The following PTPRS variants were observed in gnomAD, a reference collection of about 807,000 sequenced individuals.
PTPRS encodes the protein receptor-type tyrosine-protein phosphatase S.
Under a neutral mutation model 215.3 loss-of-function variants are expected in PTPRS, and 63 were observed. The ratio of observed to expected loss-of-function variants is 0.29; its 90% CI spans 0.24 to 0.36. The LOEUF is 0.36. Ranked by LOEUF, PTPRS falls within the 10% of genes least tolerant of loss-of-function variation. The probability of loss-of-function intolerance (pLI) is 1.00; values close to 1 mark genes in which losing one functional copy is unlikely to be tolerated. For synonymous variants in PTPRS, 1,404 were observed against 1,191.4 expected (o/e 1.18, Z -3.68); for missense variants, 2,258 against 2,825.8 (o/e 0.80, Z 4.56).
intron 30 of PTPRS, 85 bp downstream of exon 30, chr19:5,214,276 G>C: frequency 3.2e-6 from 5 of 1,578,470 alleles, no homozygotes; most frequent in Non-Finnish European, 4.3e-6. Flanking sequence ...CCCATGGGGA[G>C]CTCCCTGGGT....
In PTPRS at chr19:5,293,961, G is replaced by A. The variant is rs1019149379; in HGVS notation, c.-94-7727C>T. Among the ~76,000 whole-genome samples, 14 of 152,214 alleles carry A rather than the reference G, an allele frequency of 9.2e-5. No individual in the cohort carries two copies. In the East Asian group the frequency reaches 2.3e-3, roughly 25 times the overall value. ...GGGAGAGGGAGGGGCAGACCTGTCCGGGCGGCCAATCCGAGCCAGCGTTGC... is the reference window on the plus strand; with the variant it reads ...GGGAGAGGGAGGGGCAGACCTGTCCAGGCGGCCAATCCGAGCCAGCGTTGC... On this transcript the variant is annotated intron_variant, in intron 1 of 37. Coordinates refer to ENST00000262963, the MANE Select transcript of PTPRS (RefSeq NM_002850.4). This position sits in a 1 kb window ranked among gnomAD's most constrained non-coding sequence, Gnocchi z 8.4.
Position 5,223,109 on chromosome 19 carries a change from C to G in PTPRS, c.2683G>C (p.Val895Leu). 6.4e-7 allele frequency: 1 copy of G among 1,566,522 alleles called. No homozygotes were observed. Among genetic ancestry groups the G allele is most frequent in the Non-Finnish European group, 8.6e-7 (1 of 1,156,362 alleles). ...AACACATACGTGGCCCCCTTGTGCACGCCTGATGCCGTGTAGCGGTCCTCG... is the reference window on the plus strand; with the variant it reads ...AACACATACGTGGCCCCCTTGTGCAGGCCTGATGCCGTGTAGCGGTCCTCG... ...PSEDRYTASGVHKGATYVFRL... is the reference protein window; with the variant it reads ...PSEDRYTASGLHKGATYVFRL... The change falls in exon 18 of 38, where the codon GTG becomes CTG. Residue 895 changes from valine (V) to leucine (L), a missense_variant. Val to Leu is a conservative substitution (Grantham distance 32). This residue lies in a region of PTPRS where 361 missense variants were observed against 332.6 expected (regional missense o/e 1.09). Coordinates refer to ENST00000262963, the MANE Select transcript of PTPRS (RefSeq NM_002850.4).
chr19:5,257,930 G>A lies in PTPRS; in HGVS notation c.706+87C>T, dbSNP rs1278825121. Reference sequence around the variant, plus strand: ...TTCCTGCTTGGGTGTGCAGGGGACGGGGGAGCCCGGAGGCGGTGAGCCCGA... The same window carrying A: ...TTCCTGCTTGGGTGTGCAGGGGACGAGGGAGCCCGGAGGCGGTGAGCCCGA... On this transcript the variant is annotated intron_variant, in intron 8 of 37. Coordinates refer to ENST00000262963, the MANE Select transcript of PTPRS (RefSeq NM_002850.4). This position sits in a 1 kb window ranked among gnomAD's most constrained non-coding sequence, Gnocchi z 4.4. 2 of 1,187,110 alleles carry A rather than the reference G, an allele frequency of 1.7e-6. No individual in the cohort carries two copies. The highest frequency in any genetic ancestry group is 3.0e-5 in the African/African-American group (2 of 66,672). 73.5% of individuals were successfully genotyped at this position (1,187,110 alleles called of 1,614,324 possible).
chr19:5,269,651 G>A (rs1434391694), intron 4 of PTPRS, among the ~76,000 whole-genome samples: 16 of 152,120 alleles, frequency 1.1e-4, no homozygotes. Flanking sequence ...GCTCGGCACG[G>A]TGGCTGACGC....
chr19:5,295,449 G>A lies in PTPRS; in HGVS notation c.-94-9215C>T, dbSNP rs1168235283. Among the ~76,000 whole-genome samples, 1 of 152,182 alleles carries A rather than the reference G, an allele frequency of 6.6e-6. No individual in the cohort carries two copies. The highest frequency in any genetic ancestry group is 6.5e-5 in the Admixed American group (1 of 15,276). On this transcript the variant is annotated intron_variant, in intron 1 of 37. Transcript: ENST00000262963. This position sits in a 1 kb window ranked among gnomAD's most constrained non-coding sequence, Gnocchi z 4.6. ...GGACACAGCCACCCCCGAGGGGCTG[G>A]GGGAGGTGGGCCAGGTGCCCTCCCC...
intron 9 of PTPRS, among the ~76,000 whole-genome samples, chr19:5,246,576 G>GT: frequency 6.6e-6 from 1 of 152,182 alleles, no homozygotes; most frequent in Non-Finnish European, 1.5e-5. Context: ...GTTTCGGGAT[G>GT]TGAGTGGGTT....
At chr19:5,299,718 A>G (rs2049244513) in intron 1 of PTPRS, among the ~76,000 whole-genome samples, 1 of 152,036 alleles carries the variant, frequency 6.6e-6, no homozygotes, top group Non-Finnish European at 1.5e-5. Context: ...CTAAAAATAC[A>G]AAAATTAGCC....
rs937791277 is a variant in PTPRS, at chr19:5,295,118, G to A, written c.-94-8884C>T. Among the ~76,000 whole-genome samples, 6 of 152,308 alleles carry A rather than the reference G, an allele frequency of 3.9e-5. No homozygotes were observed. The highest frequency in any genetic ancestry group is 9.6e-5 in the African/African-American group (4 of 41,568). On this transcript the variant is annotated intron_variant, in intron 1 of 37. Transcript: ENST00000262963. This position sits in a 1 kb window ranked among gnomAD's most constrained non-coding sequence, Gnocchi z 4.6. ...CAAGGCACGGGGCTCATACAGACTCGAGTTTGAATCCAGGGATGCCCCGTG... is the reference window on the plus strand; with the variant it reads ...CAAGGCACGGGGCTCATACAGACTCAAGTTTGAATCCAGGGATGCCCCGTG...
At chr19:5,207,588 C>T (rs1455198319) in intron 37 of PTPRS, among the ~76,000 whole-genome samples, 1 of 152,230 alleles carries the variant, frequency 6.6e-6, no homozygotes, top group African/African-American at 2.4e-5. Flanking sequence ...GGAGTCTGGG[C>T]CTCAGTTTCC....
intron 11 of PTPRS, among the ~76,000 whole-genome samples, chr19:5,241,624 C>T (rs989673896): frequency 4.0e-5 from 6 of 151,604 alleles, no homozygotes; most frequent in African/African-American, 7.3e-5. Flanking sequence ...ATTCTGTATC[C>T]GCTCACAGAC....
At chr19:5,312,370 T>C (rs1172438266) in intron 1 of PTPRS, among the ~76,000 whole-genome samples, 2 of 152,040 alleles carry the variant, frequency 1.3e-5, no homozygotes, top group Non-Finnish European at 2.9e-5. Flanking sequence ...GCTATAATAA[T>C]AGCAGCAGGG....
intron 1 of PTPRS, among the ~76,000 whole-genome samples, chr19:5,336,397 C>T (rs535965933): frequency 2.0e-4 from 30 of 152,032 alleles, no homozygotes; most frequent in African/African-American, 7.0e-4. Flanking sequence ...CCCTTTCCCT[C>T]GATCACATCC....
intron 30 of PTPRS, 82 bp from the exon 31 acceptor site, chr19:5,212,573 G>A: frequency 6.7e-7 from 1 of 1,485,890 alleles, no homozygotes; most frequent in Non-Finnish European, 9.1e-7. Context: ...GCCGGGTGTG[G>A]TGGCTCATGC....
chr19:5,264,532 A>C (rs1425550021), intron 5 of PTPRS, among the ~76,000 whole-genome samples: 1 of 152,058 alleles, frequency 6.6e-6, no homozygotes, highest in East Asian at 1.9e-4. Flanking sequence ...GCTGGTCTCA[A>C]ACTCCTGGCC....
chr19:5,288,618 G>A lies in PTPRS; in HGVS notation c.-94-2384C>T, dbSNP rs562132137. Reference sequence around the variant, plus strand: ...CACATCTGCTTGGCCACACTGAGGGGGCGAGGTCAGTCCCAGACCACTTTG... The same window carrying A: ...CACATCTGCTTGGCCACACTGAGGGAGCGAGGTCAGTCCCAGACCACTTTG... On this transcript the variant is annotated intron_variant, in intron 1 of 37. Transcript: ENST00000262963. 4.6e-5 allele frequency among the ~76,000 whole-genome samples: 7 copies of A among 152,332 alleles called. No individual in the cohort carries two copies. In the East Asian group the frequency reaches 1.3e-3, roughly 29 times the overall value.
Position 5,206,789 on chromosome 19 carries a change from G to A in PTPRS, c.5832C>T (p.Asp1944=). 6.2e-7 allele frequency: 1 copy of A among 1,614,058 alleles called. No homozygotes were observed. Residue 1944 remains aspartate, a synonymous_variant, in exon 38 of 38, where the codon GAC becomes GAT. Transcript: ENST00000262963. ...QAALEYLGSF[D]HYAT The stretch of plus-strand genomic sequence containing the variant: ...AACCATGGCTTTAGGTTGCATAGTG[G>A]TCAAAGCTTCCGAGGTACTCCAGTG...
rs745625033 is a variant in PTPRS, at chr19:5,222,676, G to A, written c.3103+13C>T. ...CCGGTCCGGCTCTGGTGCAGGGGTC[G>A]CCGCGCGCCTACCTTGGTCCCGCAG... is the stretch of plus-strand genomic sequence containing the variant. On this transcript the variant is annotated intron_variant, in intron 18 of 37. Transcript: ENST00000262963. 17 of 1,550,548 alleles carry A rather than the reference G, an allele frequency of 1.1e-5. No homozygotes were observed. The highest frequency in any genetic ancestry group is 2.3e-5 in the East Asian group (1 of 42,802).
At chr19:5,297,292 G>A (rs1426194886) in intron 1 of PTPRS, among the ~76,000 whole-genome samples, 3 of 152,116 alleles carry the variant, frequency 2.0e-5, no homozygotes, top group Admixed American at 1.3e-4. Context: ...AAATAGGCGC[G>A]TGCAGCAGAA....
Position 5,260,844 on chromosome 19 carries a change from C to T in PTPRS, c.578-22G>A, listed in dbSNP as rs764298763. The T allele has an allele frequency of 1.2e-5, 20 of 1,609,922 alleles. 1 individual carries two copies. The South Asian group carries it at 2.1e-4, about 17-fold the overall frequency. ...CTTTCTGTAAGGGAAGCAGAGAGAA[C>T]CAGGTGAATGTCACAAGGCGGTTGT... On this transcript the variant is annotated intron_variant, in intron 6 of 37. Transcript: ENST00000262963.
Sources: gnomAD v4.1 joint callset for allele counts (sites outside exome capture counted in the v4.1 genomes callset) on GRCh38, gnomAD v4.1.1 for gene constraint, gnomAD v4.1.1 regional missense constraint, Gnocchi (gnomAD v3.1) non-coding constraint, MANE v1.5 for transcripts, NCBI Gene and HGNC (gene_info 2026-07-23, HGNC 2026-07-21) for gene names.